Variants in VMP1 observed in about 807,000 individuals in gnomAD.
VMP1 encodes the protein ectopic P-granules autophagy protein 3 homolog.
A neutral mutation model predicts 56.0 loss-of-function variants in VMP1; 11 were observed. That is an observed-to-expected ratio of 0.20 (90% CI 0.12 to 0.32). VMP1 has a LOEUF of 0.32. Ranked by LOEUF, VMP1 falls within the 10% of genes least tolerant of loss-of-function variation. The probability of loss-of-function intolerance (pLI) is 1.00; values close to 1 mark genes in which losing one functional copy is unlikely to be tolerated. For synonymous variants in VMP1, 149 were observed against 165.0 expected (o/e 0.90, Z 0.74); for missense variants, 296 against 490.3 (o/e 0.60, Z 3.74).
At chr17:59,797,208 C>T (rs2037469221) in intron 7 of VMP1, among the ~76,000 whole-genome samples, 1 of 150,522 alleles carries the variant, frequency 6.6e-6, no homozygotes, top group Non-Finnish European at 1.5e-5. Flanking sequence ...CATTGTGGCA[C>T]ACGCCTGTAG....
At chr17:59,838,932 G>C in intron 11 of VMP1, 1 of 152,234 alleles carries the variant, frequency 6.6e-6, no homozygotes, top group East Asian at 1.9e-4. Context: ...ACAATAACCT[G>C]AAATGGGAAA....
chr17:59,728,257 AG>A (rs2034684757), intron 1 of VMP1, among the ~76,000 whole-genome samples: 1 of 152,226 alleles, frequency 6.6e-6, no homozygotes, highest in African/African-American at 2.4e-5. Context: ...ATCAAACTAC[AG>A]GAAGATTGGA....
intron 1 of VMP1, among the ~76,000 whole-genome samples, chr17:59,724,361 A>G (rs1233138407): frequency 6.6e-6 from 1 of 152,180 alleles, no homozygotes; most frequent in East Asian, 1.9e-4. Context: ...AGCAGGAATC[A>G]TCAATTTTAG....
chr17:59,773,722 C>A (rs775352306), intron 6 of VMP1, 32 bp from the exon 7 acceptor site: 2 of 1,561,466 alleles, frequency 1.3e-6, no homozygotes, highest in Admixed American at 3.9e-5. Flanking sequence ...GATAACAGAA[C>A]CTCATTGTAA....
intron 1 of VMP1, among the ~76,000 whole-genome samples, chr17:59,714,625 T>A (rs992802239): frequency 1.3e-5 from 2 of 151,786 alleles, no homozygotes; most frequent in African/African-American, 4.8e-5. Flanking sequence ...TGAAAGTTGT[T>A]CTTGCGTTTT....
chr17:59,791,225 G>T (rs912149154), intron 7 of VMP1, among the ~76,000 whole-genome samples: 3 of 126,238 alleles, frequency 2.4e-5, no homozygotes, highest in Admixed American at 8.7e-5. Flanking sequence ...TCCCGCTCTT[G>T]TTGCCCAGGC....
chr17:59,804,794 G>A (rs891699013), intron 7 of VMP1, among the ~76,000 whole-genome samples: 3 of 151,804 alleles, frequency 2.0e-5, no homozygotes, highest in Non-Finnish European at 2.9e-5. Context: ...AGAAAATACT[G>A]TCCATCAAAC....
At position 59,765,132 on chromosome 17, in the gene VMP1, C is replaced by T. The variant is rs1338559251; in HGVS notation, c.576C>T (p.Cys192=). 6.8e-6 allele frequency: 11 copies of T among 1,613,096 alleles called. No homozygotes were observed. The highest frequency in any genetic ancestry group is 9.3e-6 in the Non-Finnish European group (11 of 1,179,684). Reference sequence around the variant, plus strand: ...TCTCAAAAGTTAGGATTGAAGCCTGCATGTGGGTAAGATATGCATTTTCAT... The same window carrying T: ...TCTCAAAAGTTAGGATTGAAGCCTGTATGTGGGTAAGATATGCATTTTCAT... The part of the protein sequence containing the change: ...SIISKVRIEA[C]MWGIGTAIGE... Residue 192 remains cysteine (C), a synonymous_variant, in exon 6 of 12, where the codon TGC becomes TGT. Coordinates refer to ENST00000262291, the MANE Select transcript of VMP1 (RefSeq NM_030938.5).
Position 59,778,626 on chromosome 17 carries a change from C to T in VMP1, c.714+4741C>T, listed in dbSNP as rs187402035. Among the ~76,000 whole-genome samples the T allele has an allele frequency of 3.3e-5, 5 of 152,030 alleles. No individual in the cohort carries two copies. In the East Asian group the frequency reaches 7.7e-4, roughly 23 times the overall value. Reference sequence around the variant, plus strand: ...CCAGGTGTAGTGATGGTGAGGCTTCCCTATTGTACAGTCAAGTGGCATCCA... The same window carrying T: ...CCAGGTGTAGTGATGGTGAGGCTTCTCTATTGTACAGTCAAGTGGCATCCA... On this transcript the variant is annotated intron_variant, in intron 7 of 11. Coordinates refer to ENST00000262291, the MANE Select transcript of VMP1 (RefSeq NM_030938.5).
chr17:59,806,009 T>C (rs1165634642), intron 7 of VMP1, among the ~76,000 whole-genome samples: 1 of 152,170 alleles, frequency 6.6e-6, no homozygotes, highest in Non-Finnish European at 1.5e-5. Context: ...ATATATTTAA[T>C]TCTTGTGCTA....
intron 10 of VMP1, among the ~76,000 whole-genome samples, chr17:59,833,602 A>G (rs1436607097): frequency 6.6e-6 from 1 of 152,192 alleles, no homozygotes; most frequent in Non-Finnish European, 1.5e-5. Context: ...CACATAACAA[A>G]TTGGTATATT....
At chr17:59,753,492 CAAAA>C (rs1235635030) in intron 5 of VMP1, among the ~76,000 whole-genome samples, 1 of 151,934 alleles carries the variant, frequency 6.6e-6, no homozygotes, top group Non-Finnish European at 1.5e-5. Flanking sequence ...AGTTACAAGA[CAAAA>C]AGATGATTAA....
intron 7 of VMP1, among the ~76,000 whole-genome samples, chr17:59,778,415 C>T (rs554917378): frequency 2.6e-5 from 4 of 151,688 alleles, no homozygotes; most frequent in Non-Finnish European, 4.4e-5. Flanking sequence ...TGGTAGCGGG[C>T]GCCTGTAGTC....
chr17:59,762,369 G>A (rs1228717065), intron 5 of VMP1, among the ~76,000 whole-genome samples: 1 of 152,150 alleles, frequency 6.6e-6, no homozygotes, highest in East Asian at 1.9e-4. Flanking sequence ...GGTTAAAAAT[G>A]TGACTCATAT....
In VMP1 at chr17:59,707,661, G is replaced by C. The variant is rs1186655082; in HGVS notation, c.-114G>C. On this transcript the variant is annotated 5_prime_UTR_variant, in exon 1 of 12. Transcript: ENST00000262291. The stretch of plus-strand genomic sequence containing the variant: ...ACCGGAAGTGACGTGAGCGGGTTCC[G>C]GTTGTCTGGAGCCCAGCGGCGGGTG... 3 of 152,308 alleles carry C rather than the reference G, an allele frequency of 2.0e-5. No individual in the cohort carries two copies. Among genetic ancestry groups the C allele is most frequent in the South Asian group, 4.1e-4 (2 of 4,826 alleles). The allele number at this position is 152,308 out of a possible 1,614,324, so 9.4% of individuals were successfully genotyped here.
At chr17:59,778,524 G>A (rs1037621177) in intron 7 of VMP1, among the ~76,000 whole-genome samples, 4 of 146,194 alleles carry the variant, frequency 2.7e-5, no homozygotes, top group African/African-American at 1.0e-4. Flanking sequence ...GCCTGGGTGA[G>A]AGCGAGACTC....
chr17:59,766,365 G>A (rs1598360851), intron 6 of VMP1, among the ~76,000 whole-genome samples: 1 of 152,098 alleles, frequency 6.6e-6, no homozygotes, highest in Non-Finnish European at 1.5e-5. Context: ...TTAGCCGGGC[G>A]TGGTGGCGCA....
intron 1 of VMP1, among the ~76,000 whole-genome samples, chr17:59,712,871 G>A (rs550591014): frequency 4.9e-4 from 74 of 152,176 alleles, no homozygotes; most frequent in African/African-American, 1.3e-3. Flanking sequence ...GAATTGAAGC[G>A]GGCAAGAACA....
intron 1 of VMP1, among the ~76,000 whole-genome samples, chr17:59,721,261 G>A (rs1459000846): frequency 6.6e-6 from 1 of 151,610 alleles, no homozygotes. Context: ...CAGGAGAATC[G>A]TTTGAACTCA....
Sources: gnomAD v4.1 joint callset for allele counts (sites outside exome capture counted in the v4.1 genomes callset) on GRCh38, gnomAD v4.1.1 for gene constraint, MANE v1.5 for transcripts, NCBI Gene and HGNC (gene_info 2026-07-23, HGNC 2026-07-21) for gene names.